CAPN11: variants seen among roughly 807,000 people sequenced by gnomAD.
CAPN11 encodes the protein calpain-11.
CAPN11 carries 108 observed loss-of-function variants against 105.3 expected under a neutral mutation model. The ratio of observed to expected loss-of-function variants is 1.03; its 90% CI spans 0.88 to 1.20. CAPN11 has a LOEUF of 1.20. CAPN11 is among the 50% of genes most tolerant of loss of function. CAPN11 has a pLI of 0.00. For synonymous variants in CAPN11, 329 were observed against 344.5 expected, an observed-to-expected ratio of 0.96 and a Z score of 0.50; for missense variants, 883 against 924.8, an observed-to-expected ratio of 0.95 and a Z score of 0.59.
At chr6:44,165,502 G>A (rs997063313) in intron 1 of CAPN11, among the ~76,000 whole-genome samples, 7 of 152,180 alleles carry the variant, frequency 4.6e-5, no homozygotes, top group Admixed American at 1.3e-4. Context: ...CCCCTATCGC[G>A]GGCTGTGTGG....
intron 19 of CAPN11, among the ~76,000 whole-genome samples, 183 bp downstream of exon 19, chr6:44,181,503 C>CACAT (rs1773291782): frequency 1.7e-5 from 1 of 57,520 alleles, no homozygotes; most frequent in Non-Finnish European, 3.7e-5. Context: ...CACACACACA[C>CACAT]ACACACTCAC....
At chr6:44,168,144 C>G (rs917956225) in intron 2 of CAPN11, among the ~76,000 whole-genome samples, 2 of 152,180 alleles carry the variant, frequency 1.3e-5, no homozygotes, top group Non-Finnish European at 2.9e-5. Context: ...CCCAAAGAAA[C>G]CCCATACCCT....
At chr6:44,167,672 G>A (rs756255126) in intron 2 of CAPN11, among the ~76,000 whole-genome samples, 1 of 152,060 alleles carries the variant, frequency 6.6e-6, no homozygotes, top group Non-Finnish European at 1.5e-5. Context: ...CACTTTGGGA[G>A]GCCAAGACTG....
Position 44,176,655 on chromosome 6 carries a change from G to A in CAPN11, c.1076G>A (p.Trp359Ter). 1 of 1,597,200 alleles carries A rather than the reference G, an allele frequency of 6.3e-7. No homozygotes were observed. The highest frequency in any genetic ancestry group is 8.5e-7 in the Non-Finnish European group (1 of 1,169,766). The change falls in exon 10 of 23, where the codon TGG becomes TAG. Residue 359 changes from tryptophan to a stop codon, truncating the protein, a stop_gained and splice_region_variant. Coordinates refer to ENST00000398776, the MANE Select transcript of CAPN11 (RefSeq NM_007058.4). LOFTEE classifies it high-confidence loss of function. Reference sequence around the variant, plus strand: ...CACAAGACGGAGGACGGGGAGTTCTGGTCAGTGTGGCTTGGGGTGGGCTTC... The same window carrying A: ...CACAAGACGGAGGACGGGGAGTTCTAGTCAGTGTGGCTTGGGGTGGGCTTC... ...LLHKTEDGEF[W>*]MSYQDFLNNF... is the part of the protein sequence containing the mutation.
rs989901333 is a variant in CAPN11, at chr6:44,177,282, T to C, written c.1278T>C (p.Pro426=). The change falls in exon 12 of 23, where the codon CCT becomes CCC. Residue 426 remains proline (P), a synonymous_variant. Coordinates refer to ENST00000398776, the MANE Select transcript of CAPN11 (RefSeq NM_007058.4). ...ACCCCCAGTTTAAGATCTCTCTTCC[T>C]GAGGGGGATGACCCAGAGGATGACG... The part of the protein sequence containing the change: ...WTNPQFKISL[P]EGDDPEDDAE... The C allele has an allele frequency of 4.0e-5, 64 of 1,610,798 alleles. No homozygotes were observed. The highest frequency in any genetic ancestry group is 5.2e-5 in the Non-Finnish European group (61 of 1,178,612).
chr6:44,178,657 A>G (rs367780396), intron 12 of CAPN11, among the ~76,000 whole-genome samples: 1 of 149,860 alleles, frequency 6.7e-6, no homozygotes, highest in East Asian at 1.9e-4. Flanking sequence ...CTATTATCCC[A>G]GCACTTTGAG....
intron 17 of CAPN11, 26 bp downstream of exon 17, chr6:44,180,831 C>T (rs58040611): frequency 0.088 from 142,210 of 1,610,832 alleles, 6,929 homozygotes; most frequent in African/African-American, 0.17. Context: ...CTGCTGCACA[C>T]GACCCCTCCC....
Position 44,180,734 on chromosome 6 carries a change from G to A in CAPN11, c.1747-14G>A. On this transcript the variant is annotated splice_polypyrimidine_tract_variant and intron_variant, in intron 16 of 22. Transcript: ENST00000398776. ...TGGAGGGGCCCGAGTGGGGTTCACAGTTCCCCTTCCTAGGGCAAGGAGATA... is the reference window on the plus strand; with the variant it reads ...TGGAGGGGCCCGAGTGGGGTTCACAATTCCCCTTCCTAGGGCAAGGAGATA... 3 of 1,613,668 alleles carry A rather than the reference G, an allele frequency of 1.9e-6. No homozygotes were observed. Among genetic ancestry groups the A allele is most frequent in the Non-Finnish European group, 2.5e-6 (3 of 1,179,710 alleles).
intron 5 of CAPN11, 140 bp from the exon 6 acceptor site, chr6:44,172,800 G>C: frequency 1.0e-6 from 1 of 960,374 alleles, no homozygotes; most frequent in Non-Finnish European, 1.5e-6. Context: ...GCCGGGCTCA[G>C]GCTTTGGGTT....
intron 2 of CAPN11, among the ~76,000 whole-genome samples, chr6:44,168,450 A>G (rs1211411008): frequency 6.7e-6 from 1 of 149,670 alleles, no homozygotes; most frequent in African/African-American, 2.5e-5. Flanking sequence ...TTGTATTTTT[A>G]GTAGAGACGG....
At chr6:44,169,115 G>A in intron 2 of CAPN11, 166 bp from the exon 3 acceptor site, 2 of 788,274 alleles carry the variant, frequency 2.5e-6, no homozygotes, top group Non-Finnish European at 4.2e-6. Context: ...AAATTTTTTT[G>A]TCGAGATGAG....
intron 19 of CAPN11, among the ~76,000 whole-genome samples, chr6:44,181,562 GAC>G (rs1187296790): frequency 2.1e-4 from 5 of 23,532 alleles, no homozygotes; most frequent in African/African-American, 5.8e-4. Flanking sequence ...CTCACATACA[GAC>G]ACAACCACAC....
At position 44,177,414 on chromosome 6, in the gene CAPN11, C is replaced by G. The variant is rs1772257919; in HGVS notation, c.1410C>G (p.Leu470=). 6 of 1,611,080 alleles carry G rather than the reference C, an allele frequency of 3.7e-6. No homozygotes were observed. The African/African-American group carries it at 6.7e-5, about 18-fold the overall frequency. ...AGCTGCAGACCATTGGCTTTGTCCT[C>G]TACGCGGTGGGTGCCTGGCTGGTCT... ...GAQLQTIGFV[L]YAVPKEFQNI... Residue 470 remains leucine (L), a synonymous_variant, in exon 12 of 23, where the codon CTC becomes CTG. Coordinates refer to ENST00000398776, the MANE Select transcript of CAPN11 (RefSeq NM_007058.4).
At chr6:44,173,769 A>G (rs772113432) in intron 7 of CAPN11, among the ~76,000 whole-genome samples, 2 of 151,698 alleles carry the variant, frequency 1.3e-5, no homozygotes, top group Non-Finnish European at 2.9e-5. Context: ...TTTTTAGTAG[A>G]GAAGGGGTTT....
At chr6:44,161,959 TGG>T (rs1768907542) in intron 1 of CAPN11, 1 of 451,484 alleles carries the variant, frequency 2.2e-6, no homozygotes, top group Non-Finnish European at 4.5e-6. Context: ...CATTTTGAAC[TGG>T]AAAATTCTTT....
chr6:44,162,721 T>C (rs1769122141), intron 1 of CAPN11, among the ~76,000 whole-genome samples: 1 of 152,150 alleles, frequency 6.6e-6, no homozygotes, highest in Non-Finnish European at 1.5e-5. Context: ...TTCATGGCAC[T>C]TTCTCCTGTC....
intron 12 of CAPN11, among the ~76,000 whole-genome samples, chr6:44,179,302 A>ATT (rs112784503): frequency 3.3e-3 from 472 of 144,012 alleles, no homozygotes; most frequent in Middle Eastern, 7.1e-3. Context: ...AGCTGAAGGA[A>ATT]TTTTTTTTTT....
chr6:44,183,676 C>T (rs1197173889), intron 21 of CAPN11, 29 bp from the exon 22 acceptor site: 1 of 1,609,372 alleles, frequency 6.2e-7, no homozygotes, highest in South Asian at 1.1e-5. Flanking sequence ...AGCATTCAGC[C>T]CCTCTCCCCC....
chr6:44,163,906 T>G (rs1161869293), intron 1 of CAPN11, among the ~76,000 whole-genome samples: 1 of 152,150 alleles, frequency 6.6e-6, no homozygotes, highest in African/African-American at 2.4e-5. Flanking sequence ...GGAAGGATTA[T>G]GGCTCACTGC....
Sources: gnomAD v4.1 joint callset for allele counts (sites outside exome capture counted in the v4.1 genomes callset) on GRCh38, gnomAD v4.1.1 for gene constraint, MANE v1.5 for transcripts, NCBI Gene and HGNC (gene_info 2026-07-23, HGNC 2026-07-21) for gene names.